The following RPL17 variants were observed in gnomAD, a reference collection of about 807,000 sequenced individuals.
RPL17 encodes ribosomal protein L17.
In RPL17, 2 loss-of-function variants were observed where a neutral mutation model predicts 27.7. The observed-to-expected ratio is 0.07, with a 90% CI of 0.03 to 0.23. The LOEUF is 0.23. Among genes scored for constraint, RPL17 ranks in the 10% least tolerant of loss-of-function variants. The probability of loss-of-function intolerance (pLI) is 1.00; values close to 1 mark genes in which losing one functional copy is unlikely to be tolerated. For missense variants in RPL17, 141 were observed against 238.8 expected (o/e 0.59, Z 2.70); for synonymous variants, 76 against 75.5 (o/e 1.01, Z -0.03).
intron 1 of RPL17, 26 bp downstream of exon 1, chr18:49,492,432 C>G (rs2084191640): frequency 6.6e-6 from 1 of 152,420 alleles, no homozygotes; most frequent in Admixed American, 6.5e-5. Flanking sequence ...ATTGGGCCCT[C>G]GGAGCAACGC....
chr18:49,490,360 T>G, intron 5 of RPL17, 94 bp downstream of exon 5: 1 of 1,325,430 alleles, frequency 7.5e-7, no homozygotes, highest in South Asian at 1.3e-5. Flanking sequence ...AAGAGTTAAT[T>G]ACTGAAAACA....
chr18:49,491,077 C>T, intron 3 of RPL17, 150 bp from the exon 4 acceptor site: 1 of 1,291,634 alleles, frequency 7.7e-7, no homozygotes, highest in Non-Finnish European at 1.1e-6. Flanking sequence ...GACTAAAAGC[C>T]AGGTAAACTT....
intron 3 of RPL17, 102 bp downstream of exon 3, chr18:49,491,303 T>C: frequency 6.4e-7 from 1 of 1,560,782 alleles, no homozygotes; most frequent in Non-Finnish European, 8.8e-7. Flanking sequence ...ATTTATTAAT[T>C]TTCACGGTAA....
At chr18:49,491,257 G>C (rs369136776) in intron 3 of RPL17, 148 bp downstream of exon 3, 1 of 1,259,962 alleles carries the variant, frequency 7.9e-7, no homozygotes. Context: ...CTTACACCCT[G>C]ATCATCAATG....
At chr18:49,491,754 T>G in intron 1 of RPL17, 170 bp from the exon 2 acceptor site, 1 of 898,504 alleles carries the variant, frequency 1.1e-6, no homozygotes, top group Non-Finnish European at 1.9e-6. Flanking sequence ...ACCAAGGGCT[T>G]GCTTTCCCTT....
At chr18:49,488,677 A>G (rs368123906) in intron 6 of RPL17, 111 bp from the exon 7 acceptor site, 6 of 677,306 alleles carry the variant, frequency 8.9e-6, no homozygotes, top group African/African-American at 1.8e-5. Flanking sequence ...TAAGGGGGAA[A>G]AATACTTAAA....
intron 3 of RPL17, 106 bp from the exon 4 acceptor site, chr18:49,491,033 ATTC>A: frequency 6.5e-7 from 1 of 1,549,750 alleles, no homozygotes; most frequent in Non-Finnish European, 8.7e-7. Flanking sequence ...AGTTATTTCT[ATTC>A]TTTGGGGGCA....
At position 49,492,442 on chromosome 18, in the gene RPL17, C is replaced by T. The variant is rs761552173; in HGVS notation, c.-14+16G>A. 4 of 152,398 alleles carry T rather than the reference C, an allele frequency of 2.6e-5. No individual in the cohort carries two copies. Among genetic ancestry groups the T allele is most frequent in the East Asian group, 1.9e-4 (1 of 5,192 alleles). 9.4% of individuals were successfully genotyped at this position (152,398 alleles called of 1,614,324 possible). ...GGAGGATTGGGCCCTCGGAGCAACG[C>T]AGGAGAAACACTCACCTCAGGCTGC... On this transcript the variant is annotated intron_variant, in intron 1 of 6. Coordinates refer to ENST00000580261, the MANE Select transcript of RPL17 (RefSeq NM_001035006.5).
In RPL17 at chr18:49,490,381, G is replaced by A. The variant is rs2083972919; in HGVS notation, c.315+73C>T. 27 of 1,472,488 alleles carry A rather than the reference G, an allele frequency of 1.8e-5. No homozygotes were observed. The Middle Eastern group carries it at 8.0e-4, about 44-fold the overall frequency. The allele number at this position is 1,472,488 out of a possible 1,614,324, so 91.2% of individuals were successfully genotyped here. ...TAATTACTGAAAACAAGAAAATCAA[G>A]GACATAAATCTGAACAGCCAACATT... On this transcript the variant is annotated intron_variant, in intron 5 of 6. Coordinates refer to ENST00000580261, the MANE Select transcript of RPL17 (RefSeq NM_001035006.5).
intron 1 of RPL17, chr18:49,491,833 C>A: frequency 1.4e-6 from 1 of 691,912 alleles, no homozygotes; most frequent in Admixed American, 1.9e-5. Context: ...TCCAGTCAAC[C>A]CTTTGGAAGA....
chr18:49,491,471 T>A (rs2084069588), intron 2 of RPL17, 26 bp from the exon 3 acceptor site: 1 of 1,613,920 alleles, frequency 6.2e-7, no homozygotes, highest in African/African-American at 1.3e-5. Context: ...TTTTGGTTAA[T>A]TTTTGGTATC....
intron 1 of RPL17, 136 bp from the exon 2 acceptor site, chr18:49,491,720 A>C: frequency 1.8e-6 from 2 of 1,138,100 alleles, no homozygotes; most frequent in Non-Finnish European, 2.7e-6. Context: ...AAGAAATGCC[A>C]TCATCGCAGC....
chr18:49,488,955 G>C (rs1179742195), intron 6 of RPL17, among the ~76,000 whole-genome samples: 1 of 151,472 alleles, frequency 6.6e-6, no homozygotes, highest in Admixed American at 6.6e-5. Flanking sequence ...CTGGAGTGCA[G>C]TGGCGCGATC....
chr18:49,490,349 TAA>T (rs2083968513), intron 5 of RPL17, 103 bp downstream of exon 5: 5 of 1,062,080 alleles, frequency 4.7e-6, no homozygotes, highest in South Asian at 3.1e-5. Context: ...TAAAAAATCC[TAA>T]GAGTTAATTA....
At chr18:49,490,628 A>C (rs1173351027) in intron 4 of RPL17, 76 bp from the exon 5 acceptor site, 5 of 1,604,516 alleles carry the variant, frequency 3.1e-6, no homozygotes, top group Non-Finnish European at 3.4e-6. Context: ...TTTATCTGAT[A>C]TCACGGTTTC....
chr18:49,492,234 C>T lies in RPL17; in HGVS notation c.-14+224G>A, dbSNP rs376916609. On this transcript the variant is annotated intron_variant, in intron 1 of 6. Transcript: ENST00000580261. ...GGAGGAGCCCGGTAGTCCCCATTCC[C>T]GCCCATCACGTCCCTCTGCGGACCT... The T allele has an allele frequency of 4.8e-4, 74 of 153,972 alleles. 1 individual carries two copies. In the South Asian group the frequency reaches 0.014, roughly 29 times the overall value. The allele number at this position is 153,972 out of a possible 1,614,324, so 9.5% of individuals were successfully genotyped here.
intron 5 of RPL17, 109 bp downstream of exon 5, chr18:49,490,345 A>G: frequency 8.4e-7 from 1 of 1,186,000 alleles, no homozygotes; most frequent in Non-Finnish European, 1.2e-6. Flanking sequence ...AATTTAAAAA[A>G]TCCTAAGAGT....
chr18:49,491,755 G>A (rs772293212), intron 1 of RPL17, 171 bp from the exon 2 acceptor site: 4 of 898,110 alleles, frequency 4.5e-6, no homozygotes, highest in East Asian at 4.8e-5. Context: ...CCAAGGGCTT[G>A]CTTTCCCTTT....
intron 5 of RPL17, chr18:49,490,157 GGTAAAAGC>G (rs1568502016): frequency 3.1e-6 from 1 of 325,962 alleles, no homozygotes; most frequent in East Asian, 7.0e-5. Flanking sequence ...CACAAAAAGG[GGTAAAAGC>G]CCCTGGTAAA....
Sources: gnomAD v4.1 joint callset for allele counts (sites outside exome capture counted in the v4.1 genomes callset) on GRCh38, gnomAD v4.1.1 for gene constraint, MANE v1.5 for transcripts, NCBI Gene and HGNC (gene_info 2026-07-23, HGNC 2026-07-21) for gene names.